TEKTIP1: variants seen among roughly 807,000 people sequenced by gnomAD.
The protein encoded by TEKTIP1 is tektin bundle interacting protein 1.
At chr19:3,539,965 A>G in the TEKTIP1 span, 1 of 152,034 alleles carries the variant, frequency 6.6e-6, no homozygotes, top group Non-Finnish European at 1.5e-5. Flanking sequence ...TTAAACCAAG[A>G]TGGTGGCTGG....
the TEKTIP1 span, chr19:3,540,187 AG>A: frequency 1.4e-5 from 2 of 139,142 alleles, no homozygotes; most frequent in Non-Finnish European, 3.0e-5. Flanking sequence ...TCTGCCTCCC[AG>A]GTTCTAGGAT....
the TEKTIP1 span, chr19:3,541,700 G>A: frequency 1.0e-6 from 1 of 985,136 alleles, no homozygotes; most frequent in East Asian, 1.1e-4. Flanking sequence ...GGGGGTGAGT[G>A]CATGTACCAC....
At chr19:3,543,716 AG>A in the TEKTIP1 span, 1 of 1,500,314 alleles carries the variant, frequency 6.7e-7, no homozygotes. Context: ...TTGGGAGGCC[AG>A]GGGGACAAGG....
chr19:3,543,763 C>T, the TEKTIP1 span: 1 of 1,489,906 alleles, frequency 6.7e-7, no homozygotes, highest in Non-Finnish European at 9.0e-7. Context: ...CGGGGCGATC[C>T]AGGAGCCCCT....
chr19:3,541,309 C>T, the TEKTIP1 span, among the ~76,000 whole-genome samples: 1 of 151,866 alleles, frequency 6.6e-6, no homozygotes, highest in Non-Finnish European at 1.5e-5. Flanking sequence ...GCATTCCAGC[C>T]TAGGTGACAA....
At chr19:3,542,638 T>G in the TEKTIP1 span, 2 of 1,048,158 alleles carry the variant, frequency 1.9e-6, no homozygotes, top group Middle Eastern at 4.2e-4. Flanking sequence ...CCCCACACCA[T>G]GCCTGGCTTA....
the TEKTIP1 span, chr19:3,543,050 C>A: frequency 6.2e-7 from 1 of 1,603,784 alleles, no homozygotes; most frequent in Non-Finnish European, 8.5e-7. Context: ...GAGTCAGCCT[C>A]TCTCCTCAAG....
chr19:3,539,293 G>GCCCCCCCCCCCCCCCCCCCCC, the TEKTIP1 span: 1 of 1,314,166 alleles, frequency 7.6e-7, no homozygotes. Context: ...GCCCCTCCCA[G>GCCCCCCCCCCCCCCCCCCCCC]CCCCTCCCTC....
chr19:3,540,771 T>G, the TEKTIP1 span, among the ~76,000 whole-genome samples: 1 of 146,068 alleles, frequency 6.8e-6, no homozygotes, highest in Non-Finnish European at 1.5e-5. Context: ...CCCAGCTACT[T>G]GGGAGGCTGA....
the TEKTIP1 span, chr19:3,539,264 A>G: frequency 6.5e-7 from 1 of 1,542,230 alleles, no homozygotes; most frequent in Non-Finnish European, 8.8e-7. Flanking sequence ...TGTACAGGTG[A>G]GCCCCTCCCT....
At chr19:3,542,354 C>T in the TEKTIP1 span, 1 of 985,442 alleles carries the variant, frequency 1.0e-6, no homozygotes, top group Non-Finnish European at 1.2e-6. Context: ...CCGTGCAGGG[C>T]AGATGAGATT....
the TEKTIP1 span, among the ~76,000 whole-genome samples, chr19:3,540,541 G>T: frequency 2.0e-5 from 3 of 151,236 alleles, no homozygotes; most frequent in African/African-American, 7.3e-5. Context: ...CAGGCGTGAG[G>T]CACCGCGCCT....
chr19:3,539,533 A>C, the TEKTIP1 span: 1 of 479,350 alleles, frequency 2.1e-6, no homozygotes, highest in Non-Finnish European at 3.8e-6. Context: ...GGCCACAGAA[A>C]TGTTCGCCCT....
At chr19:3,542,863 G>T in the TEKTIP1 span, 1 of 1,388,172 alleles carries the variant, frequency 7.2e-7, no homozygotes, top group South Asian at 1.1e-5. Context: ...CCAGGCCAGG[G>T]GGGCTTCCCA....
the TEKTIP1 span, chr19:3,543,369 G>C: frequency 6.5e-7 from 1 of 1,549,272 alleles, no homozygotes; most frequent in Non-Finnish European, 8.7e-7. Context: ...TCGGACGCCT[G>C]GGAAGCCTGG....
the TEKTIP1 span, chr19:3,543,803 C>A: frequency 6.7e-7 from 1 of 1,503,562 alleles, no homozygotes; most frequent in Non-Finnish European, 8.9e-7. Context: ...GGTGGGGGCA[C>A]ATGGTGACCC....
At chr19:3,544,017 G>C in the TEKTIP1 span, 1 of 1,530,590 alleles carries the variant, frequency 6.5e-7, no homozygotes, top group South Asian at 1.2e-5. Context: ...ATAAAGGCAT[G>C]CTACCAGGAT....
chr19:3,539,415 C>A, the TEKTIP1 span: 1 of 593,060 alleles, frequency 1.7e-6, no homozygotes, highest in South Asian at 2.0e-5. Context: ...TCTTCCTGTT[C>A]CCCTCCGGCC....
the TEKTIP1 span, chr19:3,539,416 C>T: frequency 8.4e-6 from 5 of 593,040 alleles, no homozygotes; most frequent in Admixed American, 2.8e-5. Context: ...CTTCCTGTTC[C>T]CCTCCGGCCA....
Sources: allele counts gnomAD v4.1 joint callset (sites outside exome capture counted in the v4.1 genomes callset), GRCh38; gene constraint gnomAD v4.1.1; transcripts MANE v1.5; gene names NCBI Gene and HGNC (gene_info 2026-07-23, HGNC 2026-07-21).